Variants in MACF1 observed in about 807,000 individuals in gnomAD.
The protein encoded by MACF1 is microtubule actin crosslinking factor 1.
A neutral mutation model predicts 854.8 loss-of-function variants in MACF1; 193 were observed. The observed-to-expected ratio is 0.23, with a 90% CI of 0.20 to 0.25. The LOEUF (loss-of-function observed/expected upper bound fraction) is 0.25, where lower values mean the gene tolerates loss of function less well. Ranked by LOEUF, MACF1 falls within the 10% of genes least tolerant of loss-of-function variation. The pLI, the probability that MACF1 is intolerant of heterozygous loss-of-function variation, is 1.00. For synonymous variants in MACF1, 3,185 were observed against 3,226.7 expected (o/e 0.99, Z 0.44); for missense variants, 7,722 against 8,929.1 (o/e 0.86, Z 5.45).
At chr1:39,260,292 T>C (rs1394269730) in intron 6 of MACF1, 2 of 152,048 alleles carry the variant, frequency 1.3e-5, no homozygotes, top group Non-Finnish European at 2.9e-5. Flanking sequence ...TAATCTCCCC[T>C]AGGAACTGGT....
intron 2 of MACF1, among the ~76,000 whole-genome samples, chr1:39,107,517 G>A (rs1255200186): frequency 1.3e-5 from 2 of 152,146 alleles, no homozygotes; most frequent in African/African-American, 2.4e-5. Context: ...TCTGATCGGT[G>A]CAGAACAATC....
At chr1:39,135,727 TC>T (rs1414388607) in intron 2 of MACF1, among the ~76,000 whole-genome samples, 1 of 152,006 alleles carries the variant, frequency 6.6e-6, no homozygotes, top group Non-Finnish European at 1.5e-5. Flanking sequence ...ATACAGAGGG[TC>T]CAGACCTGGC....
At position 39,335,331 on chromosome 1, in the gene MACF1, A is replaced by C. The variant is rs765936443; in HGVS notation, c.8743A>C (p.Thr2915Pro). 3 of 1,613,838 alleles carry C rather than the reference A, an allele frequency of 1.9e-6. No individual in the cohort carries two copies. In the Admixed American group the frequency reaches 5.0e-5, roughly 27 times the overall value. ...DTNEEQEKAV[T>P]KIEIISHMKQ... is the part of the protein sequence containing the mutation. Reference sequence around the variant, plus strand: ...AAATGAAGAGCAGGAAAAAGCAGTGACAAAAATAGAAATTATTTCTCATAT... The same window carrying C: ...AAATGAAGAGCAGGAAAAAGCAGTGCCAAAAATAGAAATTATTTCTCATAT... Residue 2915 changes from threonine to proline, a missense_variant, in exon 37 of 101, where the codon ACA (threonine) becomes CCA (proline). Physicochemically the swap from Thr to Pro is conservative, Grantham distance 38. Transcript: ENST00000564288.
rs550932621 is a variant in MACF1, at chr1:39,429,975, C to A, written c.17037C>A (p.Thr5679=). 1.9e-6 allele frequency: 3 copies of A among 1,613,734 alleles called. No individual in the cohort carries two copies. In the South Asian group the frequency reaches 3.3e-5, roughly 18 times the overall value. The part of the protein sequence containing the change: ...TKFQSTYEEL[T]GWLREVEEEL... ...TCCAGTCTACTTATGAGGAACTGACCGGGTGGCTGAGGGAGGTGGAGGAGG... is the reference window on the plus strand; with the variant it reads ...TCCAGTCTACTTATGAGGAACTGACAGGGTGGCTGAGGGAGGTGGAGGAGG... The change falls in exon 65 of 101, where the codon ACC becomes ACA. Residue 5679 remains threonine, a synonymous_variant. Transcript: ENST00000564288.
In MACF1 at chr1:39,485,113, GA is replaced by G. The variant is rs774224935; in HGVS notation, c.22411+385del. 1.5e-4 allele frequency: 51 copies of G among 331,136 alleles called. 1 individual carries two copies. Among genetic ancestry groups the G allele is most frequent in the Admixed American group, 9.9e-4 (21 of 21,272 alleles). The allele number at this position is 331,136 out of a possible 1,614,324, so 20.5% of individuals were successfully genotyped here. A position where few individuals can be genotyped will look rare whatever the true frequency, so the allele number is the denominator to read the frequency against. ...TGCTGTTGAACCAAGAAAGGCAGGGGAAGATCACATCTGTTCTCCTGCTACT... is the reference window on the plus strand; with the variant it reads ...TGCTGTTGAACCAAGAAAGGCAGGGGAGATCACATCTGTTCTCCTGCTACT... On this transcript the variant is annotated intron_variant, in intron 100 of 100. Transcript: ENST00000564288.
Position 39,335,206 on chromosome 1 carries a change from T to A in MACF1, c.8618T>A (p.Leu2873His). ...ATCAGTATCATAAATCCTCATAATC[T>A]TAAAGGTAAATCCTTGGGCCAAGTG... The part of the protein sequence containing the change: ...EFISIINPHN[L>H]KGKSLGQVSL... The change falls in exon 37 of 101, where the codon CTT (leucine) becomes CAT (histidine). Residue 2873 changes from leucine (L) to histidine (H), a missense_variant. Physicochemically the swap from Leu to His is moderately conservative, Grantham distance 99 (BLOSUM62 -3). Coordinates refer to ENST00000564288, the MANE Select transcript of MACF1 (RefSeq NM_001394062.1). 6.2e-7 allele frequency: 1 copy of A among 1,614,000 alleles called. No individual in the cohort carries two copies. Among genetic ancestry groups the A allele is most frequent in the Non-Finnish European group, 8.5e-7 (1 of 1,179,966 alleles).
At position 39,350,954 on chromosome 1, in the gene MACF1, C is replaced by T. The variant is rs116162513; in HGVS notation, c.11135C>T (p.Thr3712Ile). The T allele has an allele frequency of 1.5e-4, 242 of 1,614,118 alleles. No homozygotes were observed. In the African/African-American group the frequency reaches 2.8e-3, roughly 19 times the overall value. ...KEQYEALQEETRVAQKELEEA... is the reference protein window; with the variant it reads ...KEQYEALQEEIRVAQKELEEA... ...CAATATGAGGCGCTCCAGGAAGAGA[C>T]ACGTGTGGCCCAGAAGGAACTGGAG... Residue 3712 changes from threonine to isoleucine, a missense_variant, in exon 43 of 101, where the codon ACA (threonine) becomes ATA (isoleucine). Around this residue, in one of 15 missense-constraint regions of MACF1, gnomAD observed 2,807 missense variants for 3,235.8 expected, o/e 0.87. Transcript: ENST00000564288.
At chr1:39,382,843 G>A (rs1032887367) in intron 56 of MACF1, among the ~76,000 whole-genome samples, 1 of 151,970 alleles carries the variant, frequency 6.6e-6, no homozygotes, top group Non-Finnish European at 1.5e-5. Flanking sequence ...TGGTCAGGCC[G>A]GGTGCAGTGG....
At position 39,442,010 on chromosome 1, in the gene MACF1, G is replaced by C. The variant is rs1286463913; in HGVS notation, c.18731G>C (p.Gly6244Ala). The C allele has an allele frequency of 6.2e-7, 1 of 1,614,132 alleles. No homozygotes were observed. The highest frequency in any genetic ancestry group is 1.3e-5 in the African/African-American group (1 of 75,050). ...VIKLCTMPPV[G>A]TDLNTVKDQL... ...AAACTCTGCACCATGCCCCCTGTTGGCACTGACCTCAATACTGTTAAAGAT... is the reference window on the plus strand; with the variant it reads ...AAACTCTGCACCATGCCCCCTGTTGCCACTGACCTCAATACTGTTAAAGAT... The change falls in exon 75 of 101, where the codon GGC (glycine) becomes GCC (alanine). Residue 6244 changes from glycine (G) to alanine (A), a missense_variant. This residue lies in a region of MACF1 where 2,807 missense variants were observed against 3,235.8 expected (regional missense o/e 0.87). Transcript: ENST00000564288.
At position 39,349,467 on chromosome 1, in the gene MACF1, A is replaced by G. The variant is rs563323587; in HGVS notation, c.10816-11A>G. Reference sequence around the variant, plus strand: ...ACGAAATGTCTCTTGACCCCTTTGCATTTTAATTAGACCCTGCAGAAACAA... The same window carrying G: ...ACGAAATGTCTCTTGACCCCTTTGCGTTTTAATTAGACCCTGCAGAAACAA... On this transcript the variant is annotated splice_polypyrimidine_tract_variant and intron_variant, in intron 41 of 100. Transcript: ENST00000564288. 6.2e-7 allele frequency: 1 copy of G among 1,603,936 alleles called. No homozygotes were observed. Among genetic ancestry groups the G allele is most frequent in the Non-Finnish European group, 8.5e-7 (1 of 1,176,176 alleles).
intron 1 of MACF1, among the ~76,000 whole-genome samples, chr1:39,223,725 C>T (rs767373390): frequency 4.6e-5 from 7 of 151,928 alleles, no homozygotes; most frequent in Admixed American, 2.6e-4. Context: ...CCAAGTAGGC[C>T]GGGCTGGTTT....
intron 52 of MACF1, among the ~76,000 whole-genome samples, chr1:39,377,529 CAG>C (rs1326932784): frequency 6.6e-6 from 1 of 152,036 alleles, no homozygotes; most frequent in East Asian, 1.9e-4. Context: ...TGATTAGAAA[CAG>C]AACCAAAGGC....
At chr1:39,411,094 C>T (rs1212110888) in intron 58 of MACF1, 1 of 1,613,544 alleles carries the variant, frequency 6.2e-7, no homozygotes, top group Non-Finnish European at 8.5e-7. Context: ...GAAGCAGCAC[C>T]CCCTTGGGGA....
chr1:39,382,717 C>T (rs915115752), intron 56 of MACF1, among the ~76,000 whole-genome samples: 1 of 151,346 alleles, frequency 6.6e-6, no homozygotes, highest in African/African-American at 2.4e-5. Context: ...TTGTAATCCC[C>T]TGTGATAGTG....
chr1:39,115,733 A>G (rs1642527907), intron 2 of MACF1, among the ~76,000 whole-genome samples: 1 of 152,176 alleles, frequency 6.6e-6, no homozygotes, highest in African/African-American at 2.4e-5. Flanking sequence ...TATTGAGACA[A>G]AAACTCTGGG....
At chr1:39,327,146 T>G in intron 35 of MACF1, 72 bp from the exon 36 acceptor site, 3 of 1,418,260 alleles carry the variant, frequency 2.1e-6, no homozygotes, top group South Asian at 3.0e-5. Flanking sequence ...AGTAGCAATT[T>G]TGAAGCAATA....
At position 39,334,698 on chromosome 1, in the gene MACF1, T is replaced by C; in HGVS notation, c.8110T>C (p.Leu2704=). The C allele has an allele frequency of 1.9e-6, 3 of 1,614,056 alleles. No individual in the cohort carries two copies. The highest frequency in any genetic ancestry group is 2.5e-6 in the Non-Finnish European group (3 of 1,179,990). Residue 2704 remains leucine (L), a synonymous_variant, in exon 37 of 101, where the codon TTG becomes CTG. Coordinates refer to ENST00000564288, the MANE Select transcript of MACF1 (RefSeq NM_001394062.1). The part of the protein sequence containing the change: ...IDTATGKRLT[L]ASALEEKLVD... The stretch of plus-strand genomic sequence containing the variant: ...TACTGCTACTGGAAAAAGACTGACA[T>C]TGGCATCAGCTTTGGAAGAGAAACT...
Position 39,430,916 on chromosome 1 carries a change from T to C in MACF1, c.17337+8T>C. ...ATTCAGAGATCACAACAGGTAATGCTTATAATACCTCTGCATTAATATTTT... is the reference window on the plus strand; with the variant it reads ...ATTCAGAGATCACAACAGGTAATGCCTATAATACCTCTGCATTAATATTTT... On this transcript the variant is annotated splice_region_variant and intron_variant, in intron 66 of 100. Coordinates refer to ENST00000564288, the MANE Select transcript of MACF1 (RefSeq NM_001394062.1). The C allele has an allele frequency of 6.2e-7, 1 of 1,601,978 alleles. No homozygotes were observed. The highest frequency in any genetic ancestry group is 8.5e-7 in the Non-Finnish European group (1 of 1,170,606).
chr1:39,144,365 G>A (rs1425785177), intron 2 of MACF1, among the ~76,000 whole-genome samples: 2 of 151,780 alleles, frequency 1.3e-5, no homozygotes, highest in Admixed American at 6.6e-5. Context: ...ATAGGGGTAA[G>A]CCACCGCCCC....
Sources: allele counts gnomAD v4.1 joint callset (sites outside exome capture counted in the v4.1 genomes callset), GRCh38; gene constraint gnomAD v4.1.1; regional missense constraint gnomAD v4.1.1; transcripts MANE v1.5; gene names NCBI Gene and HGNC (gene_info 2026-07-23, HGNC 2026-07-21).